Variants in TTI1 observed in about 807,000 individuals in gnomAD.
The protein encoded by TTI1 is TELO2 interacting protein 1, also known as TELO2-interacting protein 1 homolog.
In TTI1, 52 loss-of-function variants were observed where a neutral mutation model predicts 85.4. That is an observed-to-expected ratio of 0.61 (90% CI 0.49 to 0.77). The LOEUF (loss-of-function observed/expected upper bound fraction) is 0.77, where lower values mean the gene tolerates loss of function less well. TTI1 is among the 30% of genes least tolerant of loss of function. The pLI, the probability that TTI1 is intolerant of heterozygous loss-of-function variation, is 0.00. For synonymous variants in TTI1, 512 were observed against 503.9 expected (o/e 1.02, Z -0.22); for missense variants, 1,173 against 1,296.0 (o/e 0.91, Z 1.46).
At chr20:38,003,707 G>A (rs1416634851) in intron 3 of TTI1, among the ~76,000 whole-genome samples, 3 of 151,128 alleles carry the variant, frequency 2.0e-5, no homozygotes, top group Admixed American at 6.6e-5. Context: ...AGCCGAGATC[G>A]TGCCATTGCA....
chr20:38,024,680 C>T (rs2073813903), intron 1 of TTI1, among the ~76,000 whole-genome samples: 1 of 152,182 alleles, frequency 6.6e-6, no homozygotes, highest in Non-Finnish European at 1.5e-5. Context: ...GCGGCCTCCA[C>T]CCACGGTGGC....
At chr20:37,998,154 T>C (rs2073369650) in intron 5 of TTI1, among the ~76,000 whole-genome samples, 1 of 152,116 alleles carries the variant, frequency 6.6e-6, no homozygotes, top group African/African-American at 2.4e-5. Context: ...GGTTTTGAAC[T>C]CCTGACCTTG....
intron 1 of TTI1, among the ~76,000 whole-genome samples, chr20:38,025,437 C>T (rs950385589): frequency 2.6e-5 from 4 of 151,928 alleles, no homozygotes; most frequent in East Asian, 1.9e-4. Context: ...GGTATGGTGG[C>T]GCGTGCCTGT....
chr20:38,025,529 A>G (rs924142703), intron 1 of TTI1, among the ~76,000 whole-genome samples: 5 of 151,958 alleles, frequency 3.3e-5, no homozygotes, highest in African/African-American at 9.7e-5. Context: ...AGATTGTGGC[A>G]TGGCACTCCA....
At chr20:38,030,528 A>AACACACACACACACACACACACAC (rs3038751) in intron 1 of TTI1, among the ~76,000 whole-genome samples, 34 of 144,934 alleles carry the variant, frequency 2.3e-4, no homozygotes, top group South Asian at 8.8e-4. Context: ...CAGTATGTAA[A>AACACACACACACACACACACACAC]ACACACACAC....
intron 1 of TTI1, among the ~76,000 whole-genome samples, chr20:38,029,748 T>C (rs190331437): frequency 5.3e-5 from 8 of 152,290 alleles, no homozygotes; most frequent in Non-Finnish European, 1.2e-4. Flanking sequence ...TAATTCCCAA[T>C]GTATTGAGAA....
At chr20:38,029,859 CT>C (rs1568634525) in intron 1 of TTI1, among the ~76,000 whole-genome samples, 2 of 152,168 alleles carry the variant, frequency 1.3e-5, no homozygotes, top group East Asian at 3.9e-4. Flanking sequence ...ACTCAGCCCC[CT>C]GGCCCTGTGA....
At chr20:38,013,938 C>T (rs2073644170) in intron 1 of TTI1, 81 bp from the exon 2 acceptor site, 1 of 1,429,442 alleles carries the variant, frequency 7.0e-7, no homozygotes, top group South Asian at 1.4e-5. Flanking sequence ...ATTCAACAGA[C>T]ATTTACCTGG....
intron 1 of TTI1, 21 bp downstream of exon 1, chr20:38,033,383 T>C (rs1285267829): frequency 6.5e-6 from 1 of 153,968 alleles, no homozygotes; most frequent in Non-Finnish European, 1.5e-5. Flanking sequence ...CTCCCTCTGG[T>C]TCCCGCCACT....
chr20:38,025,998 G>GA (rs1273857130), intron 1 of TTI1, among the ~76,000 whole-genome samples: 1 of 152,134 alleles, frequency 6.6e-6, no homozygotes, highest in Non-Finnish European at 1.5e-5. Flanking sequence ...AATAATGGCT[G>GA]AAAACGCCAC....
chr20:38,029,069 TCAA>T (rs2073871981), intron 1 of TTI1, among the ~76,000 whole-genome samples: 1 of 151,820 alleles, frequency 6.6e-6, no homozygotes, highest in Non-Finnish European at 1.5e-5. Context: ...AAAACAAACC[TCAA>T]CAAATTTAAA....
In TTI1 at chr20:37,996,971, A is replaced by G. The variant is rs2073351401; in HGVS notation, c.2794-18T>C. On this transcript the variant is annotated intron_variant, in intron 5 of 7. Coordinates refer to ENST00000373447, the MANE Select transcript of TTI1 (RefSeq NM_001303457.2). ...CGTAAAACCTGCAGAAACAGCCTCC[A>G]ACCTGGTGAGTGAACATTGCCAAGG... The G allele has an allele frequency of 6.2e-7, 1 of 1,610,088 alleles. No individual in the cohort carries two copies. The highest frequency in any genetic ancestry group is 1.3e-5 in the African/African-American group (1 of 74,904).
intron 7 of TTI1, among the ~76,000 whole-genome samples, chr20:37,995,044 C>G (rs934450300): frequency 6.6e-6 from 1 of 152,266 alleles, no homozygotes; most frequent in South Asian, 2.1e-4. Flanking sequence ...AAGATAAACT[C>G]ATTATGTTCT....
chr20:37,987,098 A>ATTCCAAACC (rs1259864864), intron 7 of TTI1: 2 of 450,392 alleles, frequency 4.4e-6, no homozygotes, highest in African/African-American at 2.0e-5. Context: ...AACACGACAA[A>ATTCCAAACC]TTCCAAACCG....
chr20:37,983,444 G>C lies in TTI1; in HGVS notation c.*12C>G, dbSNP rs1449093256. On this transcript the variant is annotated 3_prime_UTR_variant, in exon 8 of 8. Transcript: ENST00000373447. ...GGGAGGGATCGGTGGCCTCTGTGGT[G>C]GGGGAGCAGGGTCACTGCAGCTCCT... is the stretch of plus-strand genomic sequence containing the variant. The C allele has an allele frequency of 2.5e-6, 4 of 1,607,626 alleles. No individual in the cohort carries two copies. Among genetic ancestry groups the C allele is most frequent in the South Asian group, 2.2e-5 (2 of 90,666 alleles).
Position 37,983,432 on chromosome 20 carries a change from G to C in TTI1, c.*24C>G. The C allele has an allele frequency of 6.2e-7, 1 of 1,604,346 alleles. No individual in the cohort carries two copies. The highest frequency in any genetic ancestry group is 8.5e-7 in the Non-Finnish European group (1 of 1,177,226). On this transcript the variant is annotated 3_prime_UTR_variant, in exon 8 of 8. Coordinates refer to ENST00000373447, the MANE Select transcript of TTI1 (RefSeq NM_001303457.2). ...GGCTGGCAGTAGGGGAGGGATCGGT[G>C]GCCTCTGTGGTGGGGGAGCAGGGTC... is the stretch of plus-strand genomic sequence containing the variant.
At chr20:38,020,323 A>AAAAAAAAAAAATATATATATAT in intron 1 of TTI1, among the ~76,000 whole-genome samples, 1 of 50,382 alleles carries the variant, frequency 2.0e-5, no homozygotes, top group African/African-American at 8.9e-5. Flanking sequence ...AAAAAAAAAA[A>AAAAAAAAAAAATATATATATAT]ATATATATAT....
At position 38,012,051 on chromosome 20, in the gene TTI1, T is replaced by C; in HGVS notation, c.1766A>G (p.His589Arg). ...EEMGEELMME[H>R]PGLQAITSGE... ...AGACGTGATGGCTTGGAGGCCTGGG[T>C]GCTCCATCATCAGCTCCTCTCCCAT... is the stretch of plus-strand genomic sequence containing the variant. Residue 589 changes from histidine to arginine, a missense_variant, in exon 2 of 8, where the codon CAC becomes CGC. His to Arg is a conservative substitution (Grantham distance 29, BLOSUM62 0). Coordinates refer to ENST00000373447, the MANE Select transcript of TTI1 (RefSeq NM_001303457.2). 6.2e-7 allele frequency: 1 copy of C among 1,614,230 alleles called. No homozygotes were observed. Among genetic ancestry groups the C allele is most frequent in the Non-Finnish European group, 8.5e-7 (1 of 1,180,042 alleles).
At chr20:37,988,208 A>T (rs1428419454) in intron 7 of TTI1, among the ~76,000 whole-genome samples, 1 of 152,222 alleles carries the variant, frequency 6.6e-6, no homozygotes, top group East Asian at 1.9e-4. Flanking sequence ...GGCACCAGGC[A>T]TGGCTTCCTG....
Sources: gnomAD v4.1 joint callset for allele counts (sites outside exome capture counted in the v4.1 genomes callset) on GRCh38, gnomAD v4.1.1 for gene constraint, MANE v1.5 for transcripts, NCBI Gene and HGNC (gene_info 2026-07-23, HGNC 2026-07-21) for gene names.